ADAMTSL1: variants seen among roughly 807,000 people sequenced by gnomAD.
The protein encoded by ADAMTSL1 is ADAMTS like 1.
ADAMTSL1 carries 126 observed loss-of-function variants against 201.8 expected under a neutral mutation model. That is an observed-to-expected ratio of 0.62 (90% confidence interval 0.54 to 0.72). ADAMTSL1 has a LOEUF of 0.72. ADAMTSL1 is among the 30% of genes least tolerant of loss of function. The pLI is 0.00. For synonymous variants in ADAMTSL1, 1,121 were observed against 903.4 expected (o/e 1.24, Z -4.32); for missense variants, 2,679 against 2,277.8 (o/e 1.18, Z -3.59).
intron 2 of ADAMTSL1, among the ~76,000 whole-genome samples, chr9:18,238,183 G>A (rs774297948): frequency 1.3e-5 from 2 of 152,190 alleles, no homozygotes; most frequent in African/African-American, 2.4e-5. Flanking sequence ...GAGCTTTAAT[G>A]AATGAGTTTT....
intron 2 of ADAMTSL1, among the ~76,000 whole-genome samples, chr9:18,321,658 C>T (rs6475211): frequency 6.6e-6 from 1 of 151,974 alleles, no homozygotes; most frequent in Non-Finnish European, 1.5e-5. Flanking sequence ...CCGGGCGTGG[C>T]AACAGGCGCC....
intron 5 of ADAMTSL1, among the ~76,000 whole-genome samples, chr9:18,631,166 G>T (rs936982441): frequency 6.6e-6 from 1 of 152,196 alleles, no homozygotes; most frequent in Non-Finnish European, 1.5e-5. Context: ...TTTGACAACA[G>T]AACTTTTTAA....
At chr9:18,461,577 A>G (rs1820808181) in intron 2 of ADAMTSL1, among the ~76,000 whole-genome samples, 1 of 152,126 alleles carries the variant, frequency 6.6e-6, no homozygotes, top group Non-Finnish European at 1.5e-5. Context: ...TATTTAATCT[A>G]CCTAACCTCT....
At chr9:18,238,538 A>G (rs55768778) in intron 2 of ADAMTSL1, among the ~76,000 whole-genome samples, 6,056 of 152,258 alleles carry the variant, frequency 0.04, 159 homozygotes, top group Non-Finnish European at 0.055. Context: ...TGTAAAATGA[A>G]GCTAGAATGG....
intron 1 of ADAMTSL1, among the ~76,000 whole-genome samples, chr9:18,148,219 GA>G (rs1408436815): frequency 1.3e-5 from 2 of 151,314 alleles, no homozygotes; most frequent in East Asian, 1.9e-4. Context: ...GAACTGAAGG[GA>G]AAAAAGCTCA....
At chr9:18,548,162 G>A (rs1820588419) in intron 3 of ADAMTSL1, among the ~76,000 whole-genome samples, 1 of 151,892 alleles carries the variant, frequency 6.6e-6, no homozygotes, top group Non-Finnish European at 1.5e-5. Context: ...AACACTTATG[G>A]CACATTTGTG....
intron 26 of ADAMTSL1, among the ~76,000 whole-genome samples, chr9:18,897,080 T>G (rs1164184137): frequency 6.6e-6 from 1 of 152,132 alleles, no homozygotes; most frequent in Non-Finnish European, 1.5e-5. Context: ...GCAGCCCAGG[T>G]GAGGAGAAGT....
intron 2 of ADAMTSL1, among the ~76,000 whole-genome samples, chr9:18,170,407 A>C (rs559382196): frequency 2.6e-4 from 40 of 152,088 alleles, no homozygotes; most frequent in Non-Finnish European, 4.6e-4. Flanking sequence ...AGAGCTATTT[A>C]ATGAAAAATG....
intron 1 of ADAMTSL1, among the ~76,000 whole-genome samples, chr9:18,072,784 G>A (rs1351417758): frequency 6.6e-6 from 1 of 152,200 alleles, no homozygotes; most frequent in Non-Finnish European, 1.5e-5. Context: ...CCCACGGAGG[G>A]CGATGAAGAA....
intron 1 of ADAMTSL1, among the ~76,000 whole-genome samples, chr9:18,484,983 A>G (rs945623358): frequency 2.0e-4 from 30 of 152,220 alleles, no homozygotes; most frequent in Non-Finnish European, 3.5e-4. Context: ...AGTTTCATCA[A>G]TGAAATAACA....
intron 1 of ADAMTSL1, among the ~76,000 whole-genome samples, chr9:17,949,878 G>A (rs755007054): frequency 6.6e-6 from 1 of 152,108 alleles, no homozygotes; most frequent in Non-Finnish European, 1.5e-5. Context: ...AGCAAAAGAC[G>A]GAAAAGCAGG....
At chr9:18,122,080 C>G (rs1195613543) in intron 1 of ADAMTSL1, among the ~76,000 whole-genome samples, 2 of 152,076 alleles carry the variant, frequency 1.3e-5, no homozygotes, top group East Asian at 3.9e-4. Context: ...TGATATGTGA[C>G]CTGGTGAAAG....
At chr9:18,083,603 A>G (rs1408068396) in intron 1 of ADAMTSL1, among the ~76,000 whole-genome samples, 3 of 152,338 alleles carry the variant, frequency 2.0e-5, no homozygotes, top group East Asian at 1.9e-4. Context: ...TAAGAGTTAT[A>G]TGAAAGACAG....
intron 3 of ADAMTSL1, among the ~76,000 whole-genome samples, chr9:18,562,846 G>C (rs1821613647): frequency 6.6e-6 from 1 of 152,102 alleles, no homozygotes. Flanking sequence ...AAGTTCTCAT[G>C]CTCTGTTTAT....
chr9:17,989,918 CTT>C (rs756953884), intron 1 of ADAMTSL1, among the ~76,000 whole-genome samples: 6 of 134,850 alleles, frequency 4.4e-5, no homozygotes, highest in African/African-American at 5.4e-5. Context: ...TTGTAAACAT[CTT>C]TTTTTTTTTT....
intron 1 of ADAMTSL1, among the ~76,000 whole-genome samples, chr9:18,143,254 C>A (rs1358037273): frequency 2.0e-5 from 3 of 152,134 alleles, no homozygotes; most frequent in Non-Finnish European, 4.4e-5. Flanking sequence ...TCTGAGGAAC[C>A]CCATGGAGCC....
intron 2 of ADAMTSL1, among the ~76,000 whole-genome samples, chr9:18,385,575 G>T (rs1837759136): frequency 6.6e-6 from 1 of 152,144 alleles, no homozygotes; most frequent in African/African-American, 2.4e-5. Context: ...AAGCTACCTA[G>T]CCCTTCCTTT....
chr9:18,734,787 T>C (rs1274244838), intron 15 of ADAMTSL1, among the ~76,000 whole-genome samples: 1 of 152,150 alleles, frequency 6.6e-6, no homozygotes, highest in African/African-American at 2.4e-5. Context: ...GTGATTGATA[T>C]ACTAATTAGA....
intron 1 of ADAMTSL1, among the ~76,000 whole-genome samples, chr9:18,116,402 C>T (rs1047300825): frequency 3.9e-5 from 6 of 152,142 alleles, no homozygotes; most frequent in African/African-American, 1.4e-4. Context: ...ATTATATTTG[C>T]AACAATTATA....
Sources: gnomAD v4.1 joint callset for allele counts (sites outside exome capture counted in the v4.1 genomes callset) on GRCh38, gnomAD v4.1.1 for gene constraint, MANE v1.5 for transcripts, NCBI Gene and HGNC (gene_info 2026-07-23, HGNC 2026-07-21) for gene names.